FGF13: variants seen among roughly 807,000 people sequenced by gnomAD.
FGF13 encodes the protein fibroblast growth factor 13, also known as fibroblast growth factor homologous factor 2.
FGF13 carries 2 observed loss-of-function variants against 19.5 expected under a neutral mutation model. The ratio of observed to expected loss-of-function variants is 0.10; its 90% CI spans 0.04 to 0.32. The LOEUF (loss-of-function observed/expected upper bound fraction) is 0.32. Among genes scored for constraint, FGF13 ranks in the 10% least tolerant of loss-of-function variants. The pLI, the probability that FGF13 is intolerant of heterozygous loss-of-function variation, is 1.00. For synonymous variants in FGF13, 72 were observed against 76.9 expected (o/e 0.94, Z 0.33); for missense variants, 113 against 192.7 (o/e 0.59, Z 2.45).
At chrX:139,164,720 T>G (rs2084066171) in intron 1 of FGF13, among the ~76,000 whole-genome samples, 1 of 108,923 alleles carries the variant, frequency 9.2e-6, no homozygotes, top group African/African-American at 3.4e-5. Flanking sequence ...AATAAATAAA[T>G]AAATGAATGG....
intron 1 of FGF13, among the ~76,000 whole-genome samples, chrX:139,070,314 A>G (rs2092372546): frequency 8.9e-6 from 1 of 112,290 alleles, no homozygotes. Context: ...CAAAAAGTGG[A>G]TGAAGGATAT....
intron 1 of FGF13, among the ~76,000 whole-genome samples, chrX:139,046,471 T>C (rs2092287731): frequency 9.0e-6 from 1 of 111,541 alleles, no homozygotes; most frequent in Non-Finnish European, 1.9e-5. Flanking sequence ...TTTCTGTCAC[T>C]ATCTGCCTTG....
At chrX:138,786,273 T>C (rs1204207973) in intron 3 of FGF13, among the ~76,000 whole-genome samples, 1 of 110,945 alleles carries the variant, frequency 9.0e-6, no homozygotes, top group Non-Finnish European at 1.9e-5. Flanking sequence ...TTCCAACTAG[T>C]CCTGTAGGAA....
intron 1 of FGF13, among the ~76,000 whole-genome samples, chrX:138,921,477 G>T (rs761749645): frequency 9.0e-6 from 1 of 111,672 alleles, no homozygotes; most frequent in South Asian, 3.7e-4. Flanking sequence ...AATGTTGATT[G>T]AATAGGTATT....
chrX:138,919,806 C>T lies in FGF13; in HGVS notation c.-112-55156G>A, dbSNP rs756979720. Among the ~76,000 whole-genome samples, 10 of 109,671 alleles carry T rather than the reference C, an allele frequency of 9.1e-5. 1 individual carries two copies. In the South Asian group the frequency reaches 4.1e-3, roughly 45 times the overall value. On this transcript the variant is annotated intron_variant, in intron 1 of 2. Coordinates refer to the FGF13 transcript ENST00000421460. ...GTCACGGTGGTTACATGAGACAACA[C>T]ATATGATAAAATTACATAAAACAAC...
At chrX:139,078,818 C>G (rs1212489882) in intron 1 of FGF13, among the ~76,000 whole-genome samples, 1 of 112,659 alleles carries the variant, frequency 8.9e-6, no homozygotes, top group African/African-American at 3.2e-5. Context: ...TACCCGCTAA[C>G]GTTTAAATGA....
chrX:138,645,325 C>G (rs752807706), intron 3 of FGF13, among the ~76,000 whole-genome samples: 1 of 112,120 alleles, frequency 8.9e-6, no homozygotes, highest in African/African-American at 3.2e-5. Context: ...AGAGTAGTCA[C>G]TGGGTAGACA....
At position 138,851,520 on chromosome X, in the gene FGF13, C is replaced by G. The variant is rs145663734; in HGVS notation, c.217+5992G>C. The stretch of plus-strand genomic sequence containing the variant: ...AGGTCTTCAATAAAATTCAACTCCC[C>G]TTCATGTTAAAAACTCTCAATAAAC... On this transcript the variant is annotated intron_variant, in intron 3 of 6. Transcript: ENST00000436198. Among the ~76,000 whole-genome samples, 948 of 111,759 alleles carry G rather than the reference C, an allele frequency of 8.5e-3. 10 individuals carry two copies. Among genetic ancestry groups the G allele is most frequent in the African/African-American group, 0.03 (915 of 30,801 alleles).
At chrX:139,083,359 C>T (rs1295533975) in intron 1 of FGF13, among the ~76,000 whole-genome samples, 1 of 111,879 alleles carries the variant, frequency 8.9e-6, no homozygotes, top group African/African-American at 3.3e-5. Flanking sequence ...AGTGATGATG[C>T]CTTAGATAGA....
intron 3 of FGF13, among the ~76,000 whole-genome samples, chrX:138,702,393 T>G (rs1262581075): frequency 9.0e-6 from 1 of 111,458 alleles, no homozygotes; most frequent in Admixed American, 9.6e-5. Context: ...TGTTTATACA[T>G]TCATCTGAGA....
intron 3 of FGF13, among the ~76,000 whole-genome samples, chrX:138,687,484 AAAAC>A (rs1250689439): frequency 1.8e-5 from 2 of 112,044 alleles, no homozygotes; most frequent in Admixed American, 9.5e-5. Context: ...TGGCTAATAT[AAAAC>A]AAACAAAAAA....
intron 1 of FGF13, among the ~76,000 whole-genome samples, chrX:139,087,253 G>A (rs771703302): frequency 1.6e-4 from 17 of 109,593 alleles, no homozygotes; most frequent in African/African-American, 4.7e-4. Flanking sequence ...CCGAGATCGC[G>A]CCATTGCATT....
intron 1 of FGF13, among the ~76,000 whole-genome samples, chrX:138,877,155 T>A (rs1332902441): frequency 9.2e-6 from 1 of 108,651 alleles, no homozygotes; most frequent in African/African-American, 3.4e-5. Context: ...AGAGGACAAG[T>A]CAGTAGGTGC....
intron 1 of FGF13, among the ~76,000 whole-genome samples, chrX:138,967,203 T>C (rs1266679402): frequency 2.7e-5 from 3 of 110,488 alleles, no homozygotes; most frequent in African/African-American, 9.9e-5. Context: ...TTTTCTTTTA[T>C]ATTTAACTCT....
At chrX:139,006,534 AATATC>A (rs952779316) in intron 1 of FGF13, among the ~76,000 whole-genome samples, 1 of 111,765 alleles carries the variant, frequency 8.9e-6, no homozygotes, top group Non-Finnish European at 1.9e-5. Flanking sequence ...AGAGACACAA[AATATC>A]ATAACACTGT....
At chrX:138,661,500 T>C (rs1419776799) in intron 3 of FGF13, among the ~76,000 whole-genome samples, 1 of 111,879 alleles carries the variant, frequency 8.9e-6, no homozygotes, top group African/African-American at 3.2e-5. Flanking sequence ...ACTCTGGTGA[T>C]GTTACTAGTG....
chrX:139,080,076 A>ACACG (rs1556355902), intron 1 of FGF13, among the ~76,000 whole-genome samples: 157 of 110,043 alleles, frequency 1.4e-3, no homozygotes, highest in African/African-American at 5.0e-3. Flanking sequence ...ACACACACAC[A>ACACG]CGCACACACA....
At chrX:139,008,950 A>C (rs2092116585) in intron 1 of FGF13, among the ~76,000 whole-genome samples, 1 of 111,344 alleles carries the variant, frequency 9.0e-6, no homozygotes, top group Non-Finnish European at 1.9e-5. Flanking sequence ...GGAATCAAAA[A>C]CATGATCCAG....
At chrX:138,850,372 G>C (rs2091213666) in intron 3 of FGF13, among the ~76,000 whole-genome samples, 1 of 111,673 alleles carries the variant, frequency 9.0e-6, no homozygotes, top group Non-Finnish European at 1.9e-5. Flanking sequence ...GGGGAAGAAA[G>C]AATGGGTTTC....
Sources: allele counts gnomAD v4.1 joint callset (sites outside exome capture counted in the v4.1 genomes callset), GRCh38; gene constraint gnomAD v4.1.1; transcripts MANE v1.5; gene names NCBI Gene and HGNC (gene_info 2026-07-23, HGNC 2026-07-21).